The following AVEN variants were observed in gnomAD, a reference collection of about 807,000 sequenced individuals.
The protein encoded by AVEN is cell death regulator Aven.
AVEN carries 41 observed loss-of-function variants against 38.1 expected under a neutral mutation model. The ratio of observed to expected loss-of-function variants is 1.08; its 90% confidence interval spans 0.84 to 1.40. The LOEUF is 1.40. AVEN is among the 40% of genes most tolerant of loss of function. AVEN has a pLI of 0.00. For synonymous variants in AVEN, 206 were observed against 171.8 expected (o/e 1.20, Z -1.56); for missense variants, 605 against 438.8 (o/e 1.38, Z -3.38).
chr15:33,986,032 T>A (rs1267816570), intron 2 of AVEN, among the ~76,000 whole-genome samples: 1 of 152,176 alleles, frequency 6.6e-6, no homozygotes, highest in Non-Finnish European at 1.5e-5. Flanking sequence ...AATTTAGGAT[T>A]CTATTAAGTT....
chr15:33,891,642 G>A (rs1363919423), intron 2 of AVEN, among the ~76,000 whole-genome samples: 1 of 152,138 alleles, frequency 6.6e-6, no homozygotes, highest in Non-Finnish European at 1.5e-5. Context: ...ATGGACATTT[G>A]GGTTGGTTCC....
chr15:34,046,599 T>C (rs1488035823), intron 5 of AVEN: 1 of 152,140 alleles, frequency 6.6e-6, no homozygotes, highest in Non-Finnish European at 1.5e-5. Flanking sequence ...ATCAGTAGCA[T>C]CAAGAATACT....
chr15:33,962,350 C>T (rs562475919), intron 2 of AVEN, among the ~76,000 whole-genome samples: 1 of 152,162 alleles, frequency 6.6e-6, no homozygotes, highest in Non-Finnish European at 1.5e-5. Flanking sequence ...CTTTCCCAAA[C>T]CTGTTCCTCA....
At chr15:33,932,694 C>A (rs510102) in intron 2 of AVEN, among the ~76,000 whole-genome samples, 24 of 151,922 alleles carry the variant, frequency 1.6e-4, no homozygotes, top group African/African-American at 4.1e-4. Context: ...GTGTGGTGGC[C>A]GGCGCCTGTA....
At chr15:33,979,641 C>G (rs1896048302) in intron 2 of AVEN, among the ~76,000 whole-genome samples, 1 of 152,124 alleles carries the variant, frequency 6.6e-6, no homozygotes, top group African/African-American at 2.4e-5. Context: ...AAGATTTGGA[C>G]CAAATGTTAT....
At chr15:33,887,390 T>G (rs1891748537) in intron 2 of AVEN, among the ~76,000 whole-genome samples, 8 of 152,214 alleles carry the variant, frequency 5.3e-5, no homozygotes, top group Admixed American at 5.2e-4. Context: ...TTCAACATTT[T>G]TTTCAGTTCT....
intron 1 of AVEN, among the ~76,000 whole-genome samples, chr15:34,006,839 T>C (rs1597341183): frequency 6.6e-6 from 1 of 152,216 alleles, no homozygotes; most frequent in Non-Finnish European, 1.5e-5. Flanking sequence ...CTGAAAGATG[T>C]ATCTTAAAAA....
At chr15:33,975,081 A>G (rs1327376264) in intron 2 of AVEN, among the ~76,000 whole-genome samples, 4 of 152,230 alleles carry the variant, frequency 2.6e-5, no homozygotes, top group Non-Finnish European at 2.9e-5. Flanking sequence ...TATAAGACAT[A>G]TAAGAGCAGA....
intron 2 of AVEN, among the ~76,000 whole-genome samples, chr15:34,002,219 T>C (rs1897162751): frequency 6.6e-6 from 1 of 152,198 alleles, no homozygotes; most frequent in Non-Finnish European, 1.5e-5. Flanking sequence ...CACAATTTTA[T>C]CACCTGCGTA....
intron 2 of AVEN, among the ~76,000 whole-genome samples, chr15:33,958,009 C>T (rs761490872): frequency 2.0e-5 from 3 of 152,142 alleles, no homozygotes; most frequent in Admixed American, 6.5e-5. Context: ...TAGCAACTTA[C>T]GGTCCGTCAA....
At chr15:33,888,025 A>G (rs896166341) in intron 2 of AVEN, among the ~76,000 whole-genome samples, 21 of 152,180 alleles carry the variant, frequency 1.4e-4, no homozygotes, top group Admixed American at 1.3e-3. Context: ...ACATACTACC[A>G]ATATAAACAA....
chr15:33,866,959 C>T lies in AVEN; in HGVS notation c.974-231G>A, dbSNP rs1015804034. 7.2e-5 allele frequency among the ~76,000 whole-genome samples: 11 copies of T among 151,864 alleles called. No individual in the cohort carries two copies. In the East Asian group the frequency reaches 2.1e-3, roughly 29 times the overall value. On this transcript the variant is annotated intron_variant, in intron 5 of 5. Transcript: ENST00000306730. ...TGGTTTTTTTTTCAAAGACCAACAG[C>T]TCAGTTTCCTTTTTACTATTATTAT...
chr15:33,919,917 T>C (rs1302936819), intron 2 of AVEN, among the ~76,000 whole-genome samples: 1 of 152,218 alleles, frequency 6.6e-6, no homozygotes, highest in Non-Finnish European at 1.5e-5. Flanking sequence ...CTCTGTTTCC[T>C]AGTCTGATTA....
At chr15:33,892,096 G>A (rs542458820) in intron 2 of AVEN, among the ~76,000 whole-genome samples, 9 of 152,234 alleles carry the variant, frequency 5.9e-5, no homozygotes, top group Admixed American at 3.3e-4. Flanking sequence ...TTGTAAATTT[G>A]TTTGAGTTAT....
chr15:33,954,108 T>A (rs1216918815), intron 2 of AVEN, among the ~76,000 whole-genome samples: 3 of 152,100 alleles, frequency 2.0e-5, no homozygotes, highest in Non-Finnish European at 4.4e-5. Context: ...TGAGATACCA[T>A]CTCACGCCAG....
chr15:33,973,839 G>A (rs1362994179), intron 2 of AVEN, among the ~76,000 whole-genome samples: 1 of 152,178 alleles, frequency 6.6e-6, no homozygotes, highest in Non-Finnish European at 1.5e-5. Context: ...CAGCAGATGT[G>A]TTAAATGAAT....
intron 2 of AVEN, among the ~76,000 whole-genome samples, chr15:33,909,407 C>T: frequency 6.6e-6 from 1 of 152,258 alleles, no homozygotes; most frequent in Admixed American, 6.5e-5. Context: ...TGATTTTATA[C>T]TCTATAAATG....
chr15:33,998,207 T>C (rs912199290), intron 2 of AVEN, among the ~76,000 whole-genome samples: 1 of 152,212 alleles, frequency 6.6e-6, no homozygotes, highest in Admixed American at 6.5e-5. Flanking sequence ...CAATAGATCC[T>C]ATCAAGCTCA....
At chr15:33,983,640 C>A (rs976996352) in intron 2 of AVEN, among the ~76,000 whole-genome samples, 22 of 152,110 alleles carry the variant, frequency 1.4e-4, no homozygotes, top group African/African-American at 5.1e-4. Context: ...TAACACATGC[C>A]CAGAAATTCC....
Sources: allele counts gnomAD v4.1 joint callset (sites outside exome capture counted in the v4.1 genomes callset), GRCh38; gene constraint gnomAD v4.1.1; transcripts MANE v1.5; gene names NCBI Gene and HGNC (gene_info 2026-07-23, HGNC 2026-07-21).